Variants in CCDC170 observed in about 807,000 individuals in gnomAD.
The protein encoded by CCDC170 is coiled-coil domain-containing protein 170.
In CCDC170, 69 loss-of-function variants were observed where a neutral mutation model predicts 72.6. The observed-to-expected ratio is 0.95, with a 90% CI of 0.78 to 1.16. CCDC170 has a LOEUF of 1.16. Ranked by LOEUF, CCDC170 falls within the 50% of genes most tolerant of loss-of-function variation. CCDC170 has a pLI of 0.00. For missense variants in CCDC170, 852 were observed against 832.5 expected (o/e 1.02, Z -0.29); for synonymous variants, 300 against 303.9 (o/e 0.99, Z 0.13).
chr6:151,520,602 T>A (rs1325461114), intron 1 of CCDC170, among the ~76,000 whole-genome samples: 1 of 152,224 alleles, frequency 6.6e-6, no homozygotes, highest in Non-Finnish European at 1.5e-5. Context: ...AGATTAGAAA[T>A]TATGGTTAAG....
intron 5 of CCDC170, among the ~76,000 whole-genome samples, chr6:151,565,950 A>G (rs987781285): frequency 3.3e-5 from 5 of 151,994 alleles, no homozygotes; most frequent in African/African-American, 7.3e-5. Flanking sequence ...CCCTTTTACA[A>G]TTTCCAGATG....
chr6:151,561,238 T>G (rs1562282792), intron 5 of CCDC170, among the ~76,000 whole-genome samples: 1 of 152,166 alleles, frequency 6.6e-6, no homozygotes, highest in Non-Finnish European at 1.5e-5. Flanking sequence ...CTTTTAGTTA[T>G]TTAAAAATGT....
At chr6:151,594,611 T>C (rs1274655328) in intron 8 of CCDC170, among the ~76,000 whole-genome samples, 1 of 152,018 alleles carries the variant, frequency 6.6e-6, no homozygotes, top group African/African-American at 2.4e-5. Flanking sequence ...GTTTATAGAA[T>C]TTACCAGTGT....
At chr6:151,612,552 T>C (rs982616444) in intron 9 of CCDC170, among the ~76,000 whole-genome samples, 1 of 152,172 alleles carries the variant, frequency 6.6e-6, no homozygotes, top group Non-Finnish European at 1.5e-5. Context: ...CTAGGTTTCG[T>C]CAGGAAGGCT....
At chr6:151,529,458 A>G (rs1007024453) in intron 1 of CCDC170, among the ~76,000 whole-genome samples, 2 of 152,090 alleles carry the variant, frequency 1.3e-5, no homozygotes, top group African/African-American at 4.8e-5. Context: ...AGAGATCGAG[A>G]CCAGCCGGGC....
intron 1 of CCDC170, among the ~76,000 whole-genome samples, chr6:151,503,473 G>C (rs960155129): frequency 6.6e-6 from 1 of 151,820 alleles, no homozygotes; most frequent in African/African-American, 2.4e-5. Flanking sequence ...TTTTTTTGAG[G>C]TGGAATCTTG....
intron 6 of CCDC170, among the ~76,000 whole-genome samples, chr6:151,578,915 T>A (rs1275621977): frequency 6.6e-6 from 1 of 152,182 alleles, no homozygotes; most frequent in African/African-American, 2.4e-5. Flanking sequence ...GACAAAATTG[T>A]CTCTCTGGTG....
intron 1 of CCDC170, among the ~76,000 whole-genome samples, chr6:151,502,229 C>T (rs960189578): frequency 1.3e-4 from 20 of 152,296 alleles, no homozygotes; most frequent in Middle Eastern, 3.4e-3. Context: ...ACCACGATCA[C>T]GCCACTGCAC....
Position 151,504,394 on chromosome 6 carries a change from G to T in CCDC170, c.57+10209G>T, listed in dbSNP as rs964188248. ...TGGAGCTTACTTACAGTTGAGTTAGGTAAATAGTAATTGGTAATAAATAAA... is the reference window on the plus strand; with the variant it reads ...TGGAGCTTACTTACAGTTGAGTTAGTTAAATAGTAATTGGTAATAAATAAA... On this transcript the variant is annotated intron_variant, in intron 1 of 10. Coordinates refer to ENST00000239374, the MANE Select transcript of CCDC170 (RefSeq NM_025059.4). Among the ~76,000 whole-genome samples the T allele has an allele frequency of 3.3e-5, 5 of 152,092 alleles. 1 individual carries two copies. The highest frequency in any genetic ancestry group is 3.3e-4 in the Admixed American group (5 of 15,274).
Position 151,586,589 on chromosome 6 carries a change from C to T in CCDC170, c.1293+500C>T, listed in dbSNP as rs989100684. Among the ~76,000 whole-genome samples the T allele has an allele frequency of 2.0e-5, 3 of 150,872 alleles. No homozygotes were observed. The South Asian group carries it at 6.3e-4, about 31-fold the overall frequency. ...GTTTGAAGAAAGGCATGAAATCTGGCAAGTGCATAGTATATTCAGAGGACG... is the reference window on the plus strand; with the variant it reads ...GTTTGAAGAAAGGCATGAAATCTGGTAAGTGCATAGTATATTCAGAGGACG... On this transcript the variant is annotated intron_variant, in intron 7 of 10. Transcript: ENST00000239374.
intron 7 of CCDC170, among the ~76,000 whole-genome samples, chr6:151,590,083 G>C (rs1387780880): frequency 1.3e-5 from 2 of 151,690 alleles, no homozygotes; most frequent in Non-Finnish European, 2.9e-5. Flanking sequence ...TCGAGATTCA[G>C]CTCAAATACC....
intron 6 of CCDC170, among the ~76,000 whole-genome samples, chr6:151,575,998 T>C (rs573206658): frequency 6.6e-6 from 1 of 152,308 alleles, no homozygotes; most frequent in South Asian, 2.1e-4. Flanking sequence ...ATAAGCTTCA[T>C]TAAGTCATTT....
intron 5 of CCDC170, among the ~76,000 whole-genome samples, chr6:151,572,649 GTT>G (rs1213267537): frequency 7.9e-5 from 3 of 37,988 alleles, no homozygotes; most frequent in African/African-American, 1.2e-4. Flanking sequence ...CCTTCTCTGT[GTT>G]TTTTTTTTTT....
intron 7 of CCDC170, among the ~76,000 whole-genome samples, chr6:151,588,635 A>T (rs1042078467): frequency 6.6e-6 from 1 of 152,144 alleles, no homozygotes; most frequent in African/African-American, 2.4e-5. Context: ...GATGGTGGAA[A>T]ATTTGATTTT....
Position 151,558,232 on chromosome 6 carries a change from G to GTT in CCDC170, c.774+9765_774+9766dup, listed in dbSNP as rs55648936. On this transcript the variant is annotated intron_variant, in intron 5 of 10. Coordinates refer to ENST00000239374, the MANE Select transcript of CCDC170 (RefSeq NM_025059.4). ...TCACCCACTTTTTATTGAGATTAGT[G>GTT]TTTTTTTTTTTTTTTTTTTTTTTAA... Among the ~76,000 whole-genome samples, 650 of 70,768 alleles carry GTT rather than the reference G, an allele frequency of 9.2e-3. 9 individuals carry two copies. The highest frequency in any genetic ancestry group is 0.027 in the African/African-American group (467 of 17,174). 46.4% of individuals were successfully genotyped at this position (70,768 alleles called of 152,430 possible).
intron 8 of CCDC170, among the ~76,000 whole-genome samples, chr6:151,594,897 C>A (rs577847165): frequency 6.6e-6 from 1 of 152,102 alleles, no homozygotes; most frequent in African/African-American, 2.4e-5. Context: ...GTGATCCACC[C>A]GCCTTGGCCT....
At chr6:151,595,923 G>A (rs905481018) in intron 8 of CCDC170, among the ~76,000 whole-genome samples, 1 of 152,172 alleles carries the variant, frequency 6.6e-6, no homozygotes, top group African/African-American at 2.4e-5. Flanking sequence ...CACTTGCATT[G>A]TATCTTATTT....
chr6:151,546,618 C>G (rs9478216), intron 4 of CCDC170, among the ~76,000 whole-genome samples: 15,894 of 152,156 alleles, frequency 0.1, 2,576 homozygotes, highest in African/African-American at 0.35. Flanking sequence ...GCCCCTTGCC[C>G]TAAGCCCCCC....
rs191373899 is a variant in CCDC170, at chr6:151,555,113, A to G, written c.774+6624A>G. On this transcript the variant is annotated intron_variant, in intron 5 of 10. Transcript: ENST00000239374. ...TGGCCAGGCTGGTCTCGAACTCCTG[A>G]CCTCGTGGTCCACCTGCCTCGGCCT... Among the ~76,000 whole-genome samples, 389 of 151,640 alleles carry G rather than the reference A, an allele frequency of 2.6e-3. 2 individuals carry two copies. Among genetic ancestry groups the G allele is most frequent in the African/African-American group, 8.4e-3 (347 of 41,350 alleles).
Sources: gnomAD v4.1 joint callset for allele counts (sites outside exome capture counted in the v4.1 genomes callset) on GRCh38, gnomAD v4.1.1 for gene constraint, MANE v1.5 for transcripts, NCBI Gene and HGNC (gene_info 2026-07-23, HGNC 2026-07-21) for gene names.